Variants in RICTOR observed in about 807,000 individuals in gnomAD.
The protein encoded by RICTOR is rapamycin-insensitive companion of mTOR.
RICTOR carries 49 observed loss-of-function variants against 214.9 expected under a neutral mutation model. The observed-to-expected ratio is 0.23, with a 90% CI of 0.18 to 0.29. RICTOR has a LOEUF of 0.29. RICTOR is among the 10% of genes least tolerant of loss of function. RICTOR has a pLI of 1.00. For missense variants in RICTOR, 1,625 were observed against 2,047.0 expected, an observed-to-expected ratio of 0.79 and a Z score of 3.98; for synonymous variants, 717 against 711.3, an observed-to-expected ratio of 1.01 and a Z score of -0.13.
chr5:39,034,517 C>A (rs1426776872), intron 2 of RICTOR, among the ~76,000 whole-genome samples: 1 of 152,248 alleles, frequency 6.6e-6, no homozygotes, highest in East Asian at 1.9e-4. Flanking sequence ...CAGGGCGAGG[C>A]ATCTCCTCAC....
intron 7 of RICTOR, among the ~76,000 whole-genome samples, chr5:38,989,762 C>A (rs1752446623): frequency 6.6e-6 from 1 of 152,200 alleles, no homozygotes; most frequent in Non-Finnish European, 1.5e-5. Flanking sequence ...CTCATTACCA[C>A]TGGTCATTAA....
chr5:39,021,256 A>C lies in RICTOR; in HGVS notation c.98-120T>G, dbSNP rs998133149. On this transcript the variant is annotated intron_variant, in intron 2 of 37. Transcript: ENST00000357387. The stretch of plus-strand genomic sequence containing the variant: ...CTCTTGGTTTAAAGTCTTACCCTCC[A>C]CCCCAAATCTGTTAATTTAAATGAC... The C allele has an allele frequency of 5.2e-5, 35 of 674,294 alleles. No homozygotes were observed. In the Admixed American group the frequency reaches 7.0e-4, roughly 13 times the overall value. The allele number at this position is 674,294 out of a possible 1,614,324, so 41.8% of individuals were successfully genotyped here.
intron 31 of RICTOR, 23 bp from the exon 32 acceptor site, chr5:38,947,464 C>T (rs1748336360): frequency 6.5e-7 from 1 of 1,533,086 alleles, no homozygotes; most frequent in Non-Finnish European, 9.0e-7. Flanking sequence ...AAAGAAACCA[C>T]TTGCATTAGT....
At chr5:39,073,829 G>A (rs1199964492) in intron 2 of RICTOR, among the ~76,000 whole-genome samples, 1 of 152,184 alleles carries the variant, frequency 6.6e-6, no homozygotes, top group Non-Finnish European at 1.5e-5. Flanking sequence ...GAGCCCAGAG[G>A]GTCGCCGGGT....
Position 38,968,022 on chromosome 5 carries a change from T to G in RICTOR, c.981A>C (p.Leu327=). Residue 327 remains leucine, a synonymous_variant, in exon 12 of 38, where the codon CTA becomes CTC. Coordinates refer to ENST00000357387, the MANE Select transcript of RICTOR (RefSeq NM_152756.5). ...GAAATATATCATAAAGCACTTCAAG[T>G]AGACCTCGCTAAATTAGCAAACAAA... The part of the protein sequence containing the change: ...CIPNMEIRRG[L]LEVLYDIFRL... The G allele has an allele frequency of 6.3e-7, 1 of 1,593,200 alleles. No individual in the cohort carries two copies. Among genetic ancestry groups the G allele is most frequent in the Non-Finnish European group, 8.6e-7 (1 of 1,161,666 alleles).
intron 2 of RICTOR, among the ~76,000 whole-genome samples, chr5:39,035,833 C>T (rs959837560): frequency 6.6e-6 from 1 of 152,196 alleles, no homozygotes; most frequent in Non-Finnish European, 1.5e-5. Context: ...ACCAAATCTA[C>T]GTCTGATTGT....
At chr5:39,044,968 T>C (rs1231099516) in intron 2 of RICTOR, among the ~76,000 whole-genome samples, 1 of 152,214 alleles carries the variant, frequency 6.6e-6, no homozygotes, top group Non-Finnish European at 1.5e-5. Flanking sequence ...TGGTAGATAA[T>C]TAGTGAATTT....
chr5:38,944,961 A>G lies in RICTOR; in HGVS notation c.4741T>C (p.Ser1581Pro). Residue 1581 changes from serine to proline, a missense_variant, in exon 35 of 38, where the codon TCT becomes CCT. Physicochemically the swap from Ser to Pro is moderately conservative, Grantham distance 74. This residue lies in a region of RICTOR where 1,214 missense variants were observed against 1,470.5 expected (regional missense o/e 0.83). Transcript: ENST00000357387. Reference protein sequence around the residue: ...SGISGCSDGVSQEGSASSTKS... With the variant: ...SGISGCSDGVPQEGSASSTKS... ...GTGCTGCTAGCTGAGCCTTCTTGAG[A>G]CACCCCATCACTGCATCCAGAAATC... 1 of 1,614,072 alleles carries G rather than the reference A, an allele frequency of 6.2e-7. No homozygotes were observed. The highest frequency in any genetic ancestry group is 8.5e-7 in the Non-Finnish European group (1 of 1,179,942).
chr5:39,002,768 TA>T, intron 4 of RICTOR, 102 bp from the exon 5 acceptor site: 1 of 1,149,912 alleles, frequency 8.7e-7, no homozygotes, highest in Non-Finnish European at 1.2e-6. Context: ...GCAAAAATTC[TA>T]GTCATGCACA....
intron 2 of RICTOR, among the ~76,000 whole-genome samples, chr5:39,034,871 T>C (rs1265742524): frequency 1.3e-5 from 2 of 152,230 alleles, no homozygotes; most frequent in East Asian, 1.9e-4. Context: ...CCTGCCTCTG[T>C]AGGCTCCACC....
chr5:39,048,808 G>C (rs1393076625), intron 2 of RICTOR, among the ~76,000 whole-genome samples: 1 of 152,114 alleles, frequency 6.6e-6, no homozygotes, highest in Non-Finnish European at 1.5e-5. Context: ...TATTCCTAAA[G>C]CTTAAGAGCA....
At chr5:38,978,732 TTCTC>T (rs1321035089) in intron 8 of RICTOR, 82 bp from the exon 9 acceptor site, 13 of 664,720 alleles carry the variant, frequency 2.0e-5, no homozygotes, top group Non-Finnish European at 3.1e-5. Context: ...AACATTCCAT[TTCTC>T]TCTATCTTTA....
chr5:38,962,826 G>A, intron 17 of RICTOR, 50 bp downstream of exon 17: 3 of 1,469,628 alleles, frequency 2.0e-6, no homozygotes, highest in Non-Finnish European at 1.9e-6. Flanking sequence ...CAGTGGTTAA[G>A]GAATTAAGAT....
At chr5:38,968,528 G>C (rs1750430071) in intron 11 of RICTOR, among the ~76,000 whole-genome samples, 1 of 151,094 alleles carries the variant, frequency 6.6e-6, no homozygotes, top group Admixed American at 6.6e-5. Context: ...AGGACTGCTT[G>C]AGGCCAGAAT....
At chr5:39,059,539 A>G (rs1178822656) in intron 2 of RICTOR, among the ~76,000 whole-genome samples, 1 of 152,162 alleles carries the variant, frequency 6.6e-6, no homozygotes, top group Non-Finnish European at 1.5e-5. Context: ...AAGTTTTTAT[A>G]TAACATTTAC....
chr5:38,973,814 T>TA (rs1431984164), intron 10 of RICTOR, among the ~76,000 whole-genome samples: 3 of 152,218 alleles, frequency 2.0e-5, no homozygotes, highest in Non-Finnish European at 2.9e-5. Flanking sequence ...TGCACCTCAT[T>TA]AAAAAATGTG....
At chr5:38,949,403 G>A (rs145088420) in intron 31 of RICTOR, 90 of 1,591,268 alleles carry the variant, frequency 5.7e-5, no homozygotes, top group Middle Eastern at 1.7e-4. Flanking sequence ...TGATTCCCCC[G>A]ACATGCTTCT....
At chr5:39,059,931 C>T (rs1210010798) in intron 2 of RICTOR, among the ~76,000 whole-genome samples, 3 of 152,084 alleles carry the variant, frequency 2.0e-5, no homozygotes, top group Non-Finnish European at 4.4e-5. Flanking sequence ...GAAAAGGCAA[C>T]TTGTCCAGCA....
intron 5 of RICTOR, among the ~76,000 whole-genome samples, chr5:39,000,481 T>C (rs995785033): frequency 6.6e-6 from 1 of 151,966 alleles, no homozygotes; most frequent in Non-Finnish European, 1.5e-5. Flanking sequence ...GTGGTGTTTA[T>C]TTAAAGAATG....
Sources: allele counts gnomAD v4.1 joint callset (sites outside exome capture counted in the v4.1 genomes callset), GRCh38; gene constraint gnomAD v4.1.1; regional missense constraint gnomAD v4.1.1; transcripts MANE v1.5; gene names NCBI Gene and HGNC (gene_info 2026-07-23, HGNC 2026-07-21).